Variants in ALK observed in about 807,000 individuals in gnomAD.
ALK encodes ALK receptor tyrosine kinase.
ALK carries 74 observed loss-of-function variants against 163.1 expected under a neutral mutation model. The ratio of observed to expected loss-of-function variants is 0.45; its 90% CI spans 0.38 to 0.55. The LOEUF (loss-of-function observed/expected upper bound fraction) is 0.55, where lower values mean the gene tolerates loss of function less well. Among genes scored for constraint, ALK ranks in the 20% least tolerant of loss-of-function variants. ALK has a pLI of 0.00. For missense variants in ALK, 2,063 were observed against 2,105.3 expected, an observed-to-expected ratio of 0.98 and a Z score of 0.39; for synonymous variants, 960 against 843.2, an observed-to-expected ratio of 1.14 and a Z score of -2.40.
At chr2:29,548,554 T>TCTG (rs10672304) in intron 3 of ALK, among the ~76,000 whole-genome samples, 1 of 151,050 alleles carries the variant, frequency 6.6e-6, no homozygotes, top group African/African-American at 2.4e-5. Context: ...CCGCTCTTCT[T>TCTG]GTGGGAAACA....
intron 4 of ALK, among the ~76,000 whole-genome samples, chr2:29,468,691 A>C (rs1671272190): frequency 6.7e-6 from 1 of 150,226 alleles, no homozygotes; most frequent in Non-Finnish European, 1.5e-5. Context: ...TCTACAAAAA[A>C]TTTGAAAAAA....
At chr2:29,373,601 A>G (rs62130028) in intron 5 of ALK, among the ~76,000 whole-genome samples, 59 of 152,348 alleles carry the variant, frequency 3.9e-4, no homozygotes, top group Admixed American at 8.5e-4. Flanking sequence ...CCAAGCAGGC[A>G]TTGTTTCTAA....
At chr2:29,661,438 T>A (rs185798444) in intron 3 of ALK, among the ~76,000 whole-genome samples, 2 of 152,324 alleles carry the variant, frequency 1.3e-5, no homozygotes. Flanking sequence ...TTTCATTGAA[T>A]GATATTTCCA....
chr2:29,535,948 G>A (rs904342009), intron 3 of ALK, among the ~76,000 whole-genome samples: 1 of 152,150 alleles, frequency 6.6e-6, no homozygotes, highest in African/African-American at 2.4e-5. Context: ...AAGATGTAAG[G>A]AAGTAAGCTG....
At chr2:29,265,364 C>T (rs1299930149) in intron 11 of ALK, among the ~76,000 whole-genome samples, 1 of 152,142 alleles carries the variant, frequency 6.6e-6, no homozygotes, top group Admixed American at 6.5e-5. Flanking sequence ...TCCTTAGCAG[C>T]GTGGCCACTC....
At chr2:29,844,674 C>T (rs796505167) in intron 1 of ALK, among the ~76,000 whole-genome samples, 23 of 152,192 alleles carry the variant, frequency 1.5e-4, no homozygotes, top group Middle Eastern at 3.4e-3. Context: ...TTTCTTACTA[C>T]GTCACTTCCA....
chr2:29,866,712 C>T (rs1217341250), intron 1 of ALK, among the ~76,000 whole-genome samples: 1 of 152,064 alleles, frequency 6.6e-6, no homozygotes, highest in Non-Finnish European at 1.5e-5. Flanking sequence ...AAAAGAACTT[C>T]GTAATTAAAG....
chr2:29,642,644 C>T (rs1162092068), intron 3 of ALK, among the ~76,000 whole-genome samples: 7 of 152,158 alleles, frequency 4.6e-5, no homozygotes, highest in African/African-American at 1.7e-4. Context: ...TCCTTCTCAT[C>T]CTGAGCTGTG....
chr2:29,450,881 A>G (rs1224609308), intron 4 of ALK, among the ~76,000 whole-genome samples: 2 of 152,176 alleles, frequency 1.3e-5, no homozygotes, highest in African/African-American at 4.8e-5. Flanking sequence ...GTTAAAAAAC[A>G]GATTCCTAGG....
intron 5 of ALK, among the ~76,000 whole-genome samples, chr2:29,362,996 A>C (rs1668419609): frequency 6.6e-6 from 1 of 152,200 alleles, no homozygotes; most frequent in Non-Finnish European, 1.5e-5. Context: ...GTGTGGAAGG[A>C]AGGGGAAGAT....
rs1558549504 is a variant in ALK, at chr2:29,920,102, C to G, written c.558G>C (p.Arg186Ser). The part of the protein sequence containing the change: ...WWIRQGEGRL[R>S]IRLMPEKKAS... ...CCTTCTTCTCGGGCATCAGGCGGATCCTCAGTCGCCCTTCGCCTTGGCGAA... is the reference window on the plus strand; with the variant it reads ...CCTTCTTCTCGGGCATCAGGCGGATGCTCAGTCGCCCTTCGCCTTGGCGAA... Residue 186 changes from arginine (R) to serine (S), a missense_variant, in exon 1 of 29, where the codon AGG becomes AGC. Around this residue, in one of 5 missense-constraint regions of ALK, gnomAD observed 987 missense variants for 939.5 expected, o/e 1.05. Transcript: ENST00000389048. 6.2e-7 allele frequency: 1 copy of G among 1,614,146 alleles called. No homozygotes were observed. The highest frequency in any genetic ancestry group is 8.5e-7 in the Non-Finnish European group (1 of 1,180,052).
At chr2:29,599,225 G>C (rs1432483727) in intron 3 of ALK, among the ~76,000 whole-genome samples, 1 of 151,556 alleles carries the variant, frequency 6.6e-6, no homozygotes, top group Non-Finnish European at 1.5e-5. Context: ...TCCTAGAGGA[G>C]TACTATGTAA....
intron 11 of ALK, among the ~76,000 whole-genome samples, chr2:29,265,918 G>A (rs531840857): frequency 6.6e-6 from 1 of 152,298 alleles, no homozygotes; most frequent in African/African-American, 2.4e-5. Context: ...CCAGGAGGTG[G>A]AGGTTGCAGT....
chr2:29,521,350 C>A (rs950816885), intron 4 of ALK, among the ~76,000 whole-genome samples: 3 of 152,182 alleles, frequency 2.0e-5, no homozygotes, highest in Non-Finnish European at 2.9e-5. Context: ...CACCACAAGA[C>A]TTCCCCACTG....
chr2:29,558,265 A>C (rs1158260634), intron 3 of ALK, among the ~76,000 whole-genome samples: 1 of 152,194 alleles, frequency 6.6e-6, no homozygotes, highest in Non-Finnish European at 1.5e-5. Flanking sequence ...TACTGTTAGA[A>C]TTGGATTAGG....
intron 28 of ALK, among the ~76,000 whole-genome samples, chr2:29,195,211 C>T (rs1404062164): frequency 6.6e-6 from 1 of 152,014 alleles, no homozygotes; most frequent in African/African-American, 2.4e-5. Context: ...GAAAAATACT[C>T]CTAAGAAGGT....
intron 1 of ALK, among the ~76,000 whole-genome samples, chr2:29,764,473 C>A (rs904050496): frequency 6.6e-6 from 1 of 152,170 alleles, no homozygotes; most frequent in African/African-American, 2.4e-5. Context: ...AATAGTTCTT[C>A]AACATTTACC....
intron 3 of ALK, among the ~76,000 whole-genome samples, chr2:29,545,875 G>T (rs1156329187): frequency 1.3e-5 from 2 of 152,148 alleles, no homozygotes; most frequent in Non-Finnish European, 2.9e-5. Flanking sequence ...TAATGAGTTA[G>T]TTGTAGCCTA....
intron 1 of ALK, among the ~76,000 whole-genome samples, chr2:29,884,837 T>C (rs1357029586): frequency 1.3e-5 from 2 of 152,196 alleles, no homozygotes; most frequent in Non-Finnish European, 2.9e-5. Flanking sequence ...GGAGAAAGGA[T>C]ATCTGCCTGA....
Sources: gnomAD v4.1 joint callset for allele counts (sites outside exome capture counted in the v4.1 genomes callset) on GRCh38, gnomAD v4.1.1 for gene constraint, gnomAD v4.1.1 regional missense constraint, MANE v1.5 for transcripts, NCBI Gene and HGNC (gene_info 2026-07-23, HGNC 2026-07-21) for gene names.